ERC2: variants seen among roughly 807,000 people sequenced by gnomAD.
ERC2 encodes ELKS/RAB6-interacting/CAST family member 2.
Under a neutral mutation model 114.8 loss-of-function variants are expected in ERC2, and 42 were observed. The observed-to-expected ratio is 0.37, with a 90% CI of 0.29 to 0.47. ERC2 has a LOEUF of 0.47. Among genes scored for constraint, ERC2 ranks in the 20% least tolerant of loss-of-function variants. The pLI is 0.99. For missense variants in ERC2, 939 were observed against 1,150.7 expected (o/e 0.82, Z 2.66); for synonymous variants, 454 against 425.5 (o/e 1.07, Z -0.82).
At chr3:55,954,205 T>C (rs1288272943) in intron 12 of ERC2, among the ~76,000 whole-genome samples, 3 of 149,702 alleles carry the variant, frequency 2.0e-5, no homozygotes, top group African/African-American at 7.4e-5. Context: ...AAAACAATTA[T>C]GGTAAAAGAA....
intron 3 of ERC2, among the ~76,000 whole-genome samples, chr3:56,245,081 G>C (rs1040061770): frequency 5.3e-5 from 8 of 152,138 alleles, no homozygotes; most frequent in Admixed American, 4.6e-4. Context: ...ACATAGGTTT[G>C]TGTAAGTATA....
chr3:55,709,339 G>C (rs553621603), intron 15 of ERC2, among the ~76,000 whole-genome samples: 3 of 152,144 alleles, frequency 2.0e-5, no homozygotes, highest in Non-Finnish European at 4.4e-5. Flanking sequence ...CTGCTCAACA[G>C]TTACATATTT....
In ERC2 at chr3:55,518,603, C is replaced by T. The variant is rs867270351; in HGVS notation, c.*40-7327G>A. Among the ~76,000 whole-genome samples the T allele has an allele frequency of 6.6e-5, 10 of 152,098 alleles. No homozygotes were observed. The South Asian group carries it at 8.3e-4, about 13-fold the overall frequency. On this transcript the variant is annotated intron_variant, in intron 17 of 17. Coordinates refer to ENST00000288221, the MANE Select transcript of ERC2 (RefSeq NM_015576.3). ...GCTTCCTTGTTAAAAATTTGTTAAA[C>T]GTGTTTGGCATTAATGCAAACACAA...
chr3:56,031,845 A>T (rs1426980841), intron 7 of ERC2, among the ~76,000 whole-genome samples: 1 of 152,242 alleles, frequency 6.6e-6, no homozygotes, highest in African/African-American at 2.4e-5. Flanking sequence ...AACTTGAAAA[A>T]TTCCACTGGG....
chr3:56,309,411 T>G (rs1266359111), intron 2 of ERC2, among the ~76,000 whole-genome samples: 2 of 152,204 alleles, frequency 1.3e-5, no homozygotes, highest in Non-Finnish European at 2.9e-5. Flanking sequence ...AGTTCTGGTT[T>G]TCATTACAGA....
chr3:55,853,430 G>A (rs934346872), intron 14 of ERC2, among the ~76,000 whole-genome samples: 2 of 152,038 alleles, frequency 1.3e-5, no homozygotes, highest in African/African-American at 2.4e-5. Context: ...GAGGCTGAGA[G>A]GGGAGGATGA....
rs187660826 is a variant in ERC2 at position 55,926,239 on chromosome 3, T to C, written c.2403+24186A>G. The stretch of plus-strand genomic sequence containing the variant: ...GGGTAACTAAATTTAAAAAGACATG[T>C]AGGATAGAAAAAGACAAAAATGAAC... On this transcript the variant is annotated intron_variant, in intron 13 of 17. Coordinates refer to ENST00000288221, the MANE Select transcript of ERC2 (RefSeq NM_015576.3). Among the ~76,000 whole-genome samples, 254 of 152,068 alleles carry C rather than the reference T, an allele frequency of 1.7e-3. 7 individuals carry two copies. Among genetic ancestry groups the C allele is most frequent in the Non-Finnish European group, 2.9e-4 (20 of 67,986 alleles).
intron 2 of ERC2, among the ~76,000 whole-genome samples, chr3:56,372,829 T>C (rs921358291): frequency 6.6e-6 from 1 of 152,178 alleles, no homozygotes; most frequent in Non-Finnish European, 1.5e-5. Flanking sequence ...CTCTGAGCTA[T>C]AACCGCTAAT....
intron 3 of ERC2, among the ~76,000 whole-genome samples, chr3:56,211,323 A>G (rs554249545): frequency 6.6e-6 from 1 of 152,324 alleles, no homozygotes; most frequent in East Asian, 1.9e-4. Flanking sequence ...GCTGAGAATC[A>G]AATCAAGAAC....
intron 17 of ERC2, among the ~76,000 whole-genome samples, chr3:55,587,825 T>A (rs770129983): frequency 1.8e-4 from 28 of 152,182 alleles, no homozygotes; most frequent in Non-Finnish European, 2.5e-4. Context: ...ATCCTAGTAA[T>A]GACCTTTTAA....
intron 6 of ERC2, among the ~76,000 whole-genome samples, chr3:56,128,930 A>G (rs951833952): frequency 6.6e-6 from 1 of 152,234 alleles, no homozygotes; most frequent in African/African-American, 2.4e-5. Flanking sequence ...GTATTGTAGG[A>G]GCCAGACGTT....
intron 17 of ERC2, among the ~76,000 whole-genome samples, chr3:55,594,831 A>G (rs551818708): frequency 6.6e-6 from 1 of 152,230 alleles, no homozygotes; most frequent in Admixed American, 6.5e-5. Flanking sequence ...TTCTTTGATT[A>G]CATGATAACC....
intron 17 of ERC2, among the ~76,000 whole-genome samples, chr3:55,537,909 A>G (rs1489443180): frequency 6.6e-6 from 1 of 152,158 alleles, no homozygotes; most frequent in Non-Finnish European, 1.5e-5. Flanking sequence ...CTATTACTCT[A>G]TTAGAACACT....
chr3:56,120,786 T>C (rs2079530981), intron 6 of ERC2, among the ~76,000 whole-genome samples: 1 of 152,210 alleles, frequency 6.6e-6, no homozygotes, highest in Admixed American at 6.5e-5. Context: ...GGAGCTTTGA[T>C]TAAGAGCAGG....
At chr3:55,837,958 T>A (rs953867263) in intron 14 of ERC2, among the ~76,000 whole-genome samples, 2 of 137,806 alleles carry the variant, frequency 1.5e-5, no homozygotes, top group Admixed American at 1.4e-4. Flanking sequence ...GAACAAACAG[T>A]ATTACCAGGA....
intron 13 of ERC2, among the ~76,000 whole-genome samples, chr3:55,938,217 A>G (rs1263722456): frequency 6.6e-6 from 1 of 152,026 alleles, no homozygotes; most frequent in Non-Finnish European, 1.5e-5. Flanking sequence ...TAAAACTTTC[A>G]TTTCAGAAGC....
At chr3:55,949,442 C>G (rs954767403) in intron 13 of ERC2, among the ~76,000 whole-genome samples, 1 of 151,826 alleles carries the variant, frequency 6.6e-6, no homozygotes, top group Non-Finnish European at 1.5e-5. Context: ...AATCAAGCAT[C>G]AATGTAAAGG....
At chr3:56,003,733 C>A (rs1281326224) in intron 10 of ERC2, among the ~76,000 whole-genome samples, 2 of 152,030 alleles carry the variant, frequency 1.3e-5, no homozygotes, top group African/African-American at 4.8e-5. Flanking sequence ...ACTGTATTAT[C>A]CATTGCCTAT....
intron 7 of ERC2, among the ~76,000 whole-genome samples, chr3:56,076,424 C>CA (rs5849128): frequency 0.2 from 30,280 of 152,024 alleles, 3,400 homozygotes; most frequent in African/African-American, 0.3. Context: ...ACAATGTCAT[C>CA]AGGTTTTATG....
Sources: allele counts gnomAD v4.1 joint callset (sites outside exome capture counted in the v4.1 genomes callset), GRCh38; gene constraint gnomAD v4.1.1; transcripts MANE v1.5; gene names NCBI Gene and HGNC (gene_info 2026-07-23, HGNC 2026-07-21).